The following DYRK4 variants were observed in gnomAD, a reference collection of about 807,000 sequenced individuals.
DYRK4 encodes the protein dual specificity tyrosine-phosphorylation-regulated kinase 4.
A neutral mutation model predicts 68.3 loss-of-function variants in DYRK4; 64 were observed. The observed-to-expected ratio is 0.94, with a 90% CI of 0.77 to 1.15. The LOEUF (loss-of-function observed/expected upper bound fraction) is 1.15. Among genes scored for constraint, DYRK4 ranks in the 50% most tolerant of loss-of-function variants. The probability of loss-of-function intolerance (pLI) is 0.00; values close to 1 mark genes in which losing one functional copy is unlikely to be tolerated. For missense variants in DYRK4, 740 were observed against 764.7 expected (o/e 0.97, Z 0.38); for synonymous variants, 274 against 289.9 (o/e 0.95, Z 0.56).
chr12:4,574,780 C>T (rs762561873), intron 2 of DYRK4, among the ~76,000 whole-genome samples: 24 of 152,200 alleles, frequency 1.6e-4, no homozygotes, highest in Non-Finnish European at 2.6e-4. Context: ...CGCAGTGGTG[C>T]GATCTCGGCT....
At chr12:4,594,542 T>A (rs919545154) in intron 6 of DYRK4, among the ~76,000 whole-genome samples, 24 of 152,092 alleles carry the variant, frequency 1.6e-4, no homozygotes, top group African/African-American at 5.6e-4. Context: ...CCAGTATAAA[T>A]CTTAACTCTG....
chr12:4,564,081 G>A lies in DYRK4; in HGVS notation c.38+1798G>A, dbSNP rs138688564. 9.4e-3 allele frequency among the ~76,000 whole-genome samples: 1,434 copies of A among 152,252 alleles called. 14 individuals are homozygous for A. Among genetic ancestry groups the A allele is most frequent in the African/African-American group, 0.018 (755 of 41,546 alleles). On this transcript the variant is annotated intron_variant, in intron 1 of 14. Transcript: ENST00000543431. ...CCTCTTCTAGCTCTTTAGAGTCTGG[G>A]AGTCAGTGAACCCTCAAGAGTCTCA...
At chr12:4,604,685 CG>C (rs1369473278) in intron 10 of DYRK4, among the ~76,000 whole-genome samples, 10 of 152,202 alleles carry the variant, frequency 6.6e-5, no homozygotes, top group Non-Finnish European at 1.5e-5. Context: ...ACAGTGCCCA[CG>C]TTGGAGTTCG....
intron 5 of DYRK4, chr12:4,592,698 G>A (rs909185194): frequency 4.1e-6 from 1 of 245,254 alleles, no homozygotes; most frequent in Non-Finnish European, 7.8e-6. Context: ...TACTATTGTC[G>A]ACACTAATTT....
At chr12:4,563,260 CTTGT>C (rs1166976304) in intron 1 of DYRK4, 1 of 411,720 alleles carries the variant, frequency 2.4e-6, no homozygotes, top group Non-Finnish European at 4.9e-6. Context: ...TGTTGTTTCT[CTTGT>C]TTGTTTTGGT....
At chr12:4,579,368 G>C (rs1256616867) in intron 2 of DYRK4, among the ~76,000 whole-genome samples, 1 of 152,110 alleles carries the variant, frequency 6.6e-6, no homozygotes, top group Non-Finnish European at 1.5e-5. Flanking sequence ...GCATGGGAGT[G>C]CTCTCATGCA....
chr12:4,584,483 G>T (rs1283377851), intron 2 of DYRK4, among the ~76,000 whole-genome samples: 2 of 151,792 alleles, frequency 1.3e-5, no homozygotes, highest in Non-Finnish European at 2.9e-5. Flanking sequence ...TTGCATAAAT[G>T]CCAGGTGCAG....
At chr12:4,585,583 A>T (rs952669533) in intron 2 of DYRK4, among the ~76,000 whole-genome samples, 1 of 151,994 alleles carries the variant, frequency 6.6e-6, no homozygotes, top group Non-Finnish European at 1.5e-5. Context: ...AACAATGAGA[A>T]CACATGGACA....
intron 5 of DYRK4, among the ~76,000 whole-genome samples, chr12:4,592,301 A>G (rs978325651): frequency 2.6e-5 from 4 of 152,134 alleles, no homozygotes; most frequent in Admixed American, 1.3e-4. Flanking sequence ...CTTGTTCCCT[A>G]TAAGTCTTTT....
chr12:4,573,824 T>G (rs2137328165), intron 2 of DYRK4, among the ~76,000 whole-genome samples: 1 of 152,268 alleles, frequency 6.6e-6, no homozygotes, highest in Non-Finnish European at 1.5e-5. Context: ...AAGAAATAAT[T>G]TTTATTATTG....
chr12:4,571,599 GTATTT>G lies in DYRK4; in HGVS notation c.132+3562_132+3566del, dbSNP rs918566884. Among the ~76,000 whole-genome samples, 122 of 152,092 alleles carry G rather than the reference GTATTT, an allele frequency of 8.0e-4. 1 individual carries two copies. The highest frequency in any genetic ancestry group is 2.7e-3 in the African/African-American group (113 of 41,496). On this transcript the variant is annotated intron_variant, in intron 2 of 14. Coordinates refer to ENST00000543431, the MANE Select transcript of DYRK4 (RefSeq NM_001394779.1). ...GGTTTATATTTTGTCGTATTTTATT[GTATTT>G]TATTTTATTTATATCGTATTGTAGT...
At position 4,612,611 on chromosome 12, in the gene DYRK4, A is replaced by G; in HGVS notation, c.1559A>G (p.Asn520Ser). ...CATGCTTGGATTCATCAGTCTCGGA[A>G]CCTCAAGCCACAGCCCAGGCCCCAG... ...LKHAWIHQSRNLKPQPRPQTL... is the reference protein window; with the variant it reads ...LKHAWIHQSRSLKPQPRPQTL... The change falls in exon 14 of 15, where the codon AAC becomes AGC. Residue 520 changes from asparagine to serine, a missense_variant. Asn to Ser is a conservative substitution (Grantham distance 46). Transcript: ENST00000543431. The G allele has an allele frequency of 6.2e-7, 1 of 1,614,184 alleles. No homozygotes were observed. The highest frequency in any genetic ancestry group is 8.5e-7 in the Non-Finnish European group (1 of 1,180,036).
At chr12:4,581,189 A>C (rs1052271541) in intron 2 of DYRK4, among the ~76,000 whole-genome samples, 2 of 152,168 alleles carry the variant, frequency 1.3e-5, no homozygotes, top group South Asian at 2.1e-4. Context: ...AGGGCCTGAC[A>C]TGATGAGAAT....
chr12:4,596,657 C>A lies in DYRK4; in HGVS notation c.833C>A (p.Thr278Asn), dbSNP rs370245586. 52 of 1,614,222 alleles carry A rather than the reference C, an allele frequency of 3.2e-5. No individual in the cohort carries two copies. In the African/African-American group the frequency reaches 6.1e-4, roughly 19 times the overall value. Residue 278 changes from threonine to asparagine, a missense_variant, in exon 8 of 15, where the codon ACC becomes AAC. Around this residue, in one of 3 missense-constraint regions of DYRK4, gnomAD observed 614 missense variants for 603.7 expected, o/e 1.02. Transcript: ENST00000543431. The stretch of plus-strand genomic sequence containing the variant: ...CTCAGAAAGAAGGACAAAGACAACA[C>A]CTACAATGTGGTGCATATGAAGGAC... The part of the protein sequence containing the change: ...EALRKKDKDN[T>N]YNVVHMKDFF...
intron 2 of DYRK4, among the ~76,000 whole-genome samples, chr12:4,586,262 A>T (rs538023414): frequency 7.2e-4 from 110 of 152,196 alleles, no homozygotes; most frequent in African/African-American, 2.3e-3. Flanking sequence ...TCCCCTCTAG[A>T]GGCAGGGCCC....
chr12:4,574,113 T>G (rs1944760108), intron 2 of DYRK4, among the ~76,000 whole-genome samples: 1 of 151,614 alleles, frequency 6.6e-6, no homozygotes, highest in African/African-American at 2.4e-5. Flanking sequence ...TAATCCCAGC[T>G]GCTCGGGAGG....
intron 12 of DYRK4, 75 bp downstream of exon 12, chr12:4,607,462 T>C: frequency 6.6e-7 from 1 of 1,525,652 alleles, no homozygotes; most frequent in Non-Finnish European, 9.1e-7. Context: ...CATTTCATTC[T>C]TTTCCCCTGG....
intron 2 of DYRK4, among the ~76,000 whole-genome samples, chr12:4,588,378 C>T (rs1433820399): frequency 6.6e-6 from 1 of 152,224 alleles, no homozygotes; most frequent in Admixed American, 6.5e-5. Context: ...GTACACATTA[C>T]GTCCTCTTCC....
intron 5 of DYRK4, chr12:4,592,665 G>A (rs1477680076): frequency 5.6e-6 from 1 of 179,436 alleles, no homozygotes; most frequent in Non-Finnish European, 1.2e-5. Flanking sequence ...CGTTAACTTG[G>A]GCAACTTGCC....
Sources: allele counts gnomAD v4.1 joint callset (sites outside exome capture counted in the v4.1 genomes callset), GRCh38; gene constraint gnomAD v4.1.1; regional missense constraint gnomAD v4.1.1; transcripts MANE v1.5; gene names NCBI Gene and HGNC (gene_info 2026-07-23, HGNC 2026-07-21).